The following XPA variants were observed in gnomAD, a reference collection of about 807,000 sequenced individuals.
The protein encoded by XPA is DNA repair protein complementing XP-A cells.
XPA carries 27 observed loss-of-function variants against 35.7 expected under a neutral mutation model. That is an observed-to-expected ratio of 0.76 (90% CI 0.56 to 1.04). The LOEUF (loss-of-function observed/expected upper bound fraction) is 1.04, where lower values mean the gene tolerates loss of function less well. Ranked by LOEUF, XPA falls within the 50% of genes least tolerant of loss-of-function variation. The pLI, the probability that XPA is intolerant of heterozygous loss-of-function variation, is 0.00. For synonymous variants in XPA, 133 were observed against 118.4 expected (o/e 1.12, Z -0.80); for missense variants, 354 against 342.7 (o/e 1.03, Z -0.26).
At chr9:97,687,388 A>G (rs1828753679) in intron 3 of XPA, 127 bp from the exon 4 acceptor site, 3 of 709,030 alleles carry the variant, frequency 4.2e-6, no homozygotes, top group Non-Finnish European at 6.5e-6. Context: ...TGCAACTCTC[A>G]TGGTTAAATT....
the XPA span, among the ~76,000 whole-genome samples, chr9:97,658,029 G>A: frequency 6.7e-6 from 1 of 150,174 alleles, no homozygotes; most frequent in Non-Finnish European, 1.5e-5. Context: ...CCCTATCACT[G>A]GAATCATCTA....
chr9:97,670,750 G>T (rs760383949), downstream of XPA, among the ~76,000 whole-genome samples: 3 of 152,184 alleles, frequency 2.0e-5, no homozygotes, highest in Admixed American at 6.5e-5. Flanking sequence ...AATGTATTAT[G>T]CCCTGACTGG....
At chr9:97,682,668 C>G (rs1828582825) in intron 5 of XPA, among the ~76,000 whole-genome samples, 1 of 152,086 alleles carries the variant, frequency 6.6e-6, no homozygotes, top group Non-Finnish European at 1.5e-5. Context: ...GAAAAAGAAA[C>G]CAGACCCAAG....
chr9:97,666,803 A>T, the XPA span: 1 of 1,609,780 alleles, frequency 6.2e-7, no homozygotes, highest in Non-Finnish European at 8.5e-7. Flanking sequence ...AATTCGTAAG[A>T]TGAACAAACA....
chr9:97,655,202 T>TTTA, the XPA span, among the ~76,000 whole-genome samples: 1 of 152,204 alleles, frequency 6.6e-6, no homozygotes, highest in Non-Finnish European at 1.5e-5. Context: ...TATAAAATGT[T>TTTA]TTATCTGCAA....
chr9:97,672,223 T>G (rs890728289), downstream of XPA: 1 of 152,210 alleles, frequency 6.6e-6, no homozygotes, highest in Non-Finnish European at 1.5e-5. Flanking sequence ...ATTTTTAGAC[T>G]TTTTTCATTA....
intron 5 of XPA, among the ~76,000 whole-genome samples, chr9:97,677,494 G>GA (rs1828401986): frequency 6.6e-6 from 1 of 152,020 alleles, no homozygotes. Context: ...GCAACACAGT[G>GA]AAACCCCAAT....
chr9:97,696,560 G>A (rs1490477336), intron 1 of XPA, among the ~76,000 whole-genome samples: 1 of 152,096 alleles, frequency 6.6e-6, no homozygotes, highest in Non-Finnish European at 1.5e-5. Flanking sequence ...GATTCTGATT[G>A]CTGAATCTCC....
intron 5 of XPA, among the ~76,000 whole-genome samples, chr9:97,682,691 A>G (rs1209783085): frequency 6.6e-6 from 1 of 152,226 alleles, no homozygotes; most frequent in East Asian, 1.9e-4. Flanking sequence ...GTCTAACTCT[A>G]TGAAAAACTT....
At position 97,697,233 on chromosome 9, in the gene XPA, C is replaced by G. The variant is rs748908120; in HGVS notation, c.60G>C (p.Leu20=). The G allele has an allele frequency of 9.4e-6, 15 of 1,601,040 alleles. No individual in the cohort carries two copies. Among genetic ancestry groups the G allele is most frequent in the Non-Finnish European group, 1.3e-5 (15 of 1,179,096 alleles). The change falls in exon 1 of 6, where the codon CTG becomes CTC. Residue 20 remains leucine (L), a synonymous_variant. Coordinates refer to ENST00000375128, the MANE Select transcript of XPA (RefSeq NM_000380.4). ...CGATACTCGCCCGCACCGAGGCAGG[C>G]AGCTCCGCGGGTTGCTCTAAAGCCG... ...EAAALEQPAE[L]PASVRASIER...
intron 2 of XPA, among the ~76,000 whole-genome samples, chr9:97,692,273 G>C (rs1178867373): frequency 6.6e-6 from 1 of 151,762 alleles, no homozygotes; most frequent in Non-Finnish European, 1.5e-5. Context: ...CCTGGGCAAC[G>C]AGAGTGAAAC....
In XPA at chr9:97,675,087, G is replaced by C. The variant is rs1295516425; in HGVS notation, c.*352C>G. 1.9e-6 allele frequency: 1 copy of C among 539,900 alleles called. No individual in the cohort carries two copies. Among genetic ancestry groups the C allele is most frequent in the Non-Finnish European group, 3.6e-6 (1 of 280,704 alleles). The allele number at this position is 539,900 out of a possible 1,614,324, so 33.4% of individuals were successfully genotyped here. A position where few individuals can be genotyped will look rare whatever the true frequency, so the allele number is the denominator to read the frequency against. ...GTTTCTTGGTTAAGAATCCAGTTCA[G>C]CCTTTGTTGAACCCTTTTCCCTCTA... On this transcript the variant is annotated 3_prime_UTR_variant, in exon 6 of 6. Coordinates refer to ENST00000375128, the MANE Select transcript of XPA (RefSeq NM_000380.4).
At chr9:97,674,335 A>G (rs537449530), downstream of XPA, among the ~76,000 whole-genome samples, 1 of 152,344 alleles carries the variant, frequency 6.6e-6, no homozygotes, top group East Asian at 1.9e-4. Flanking sequence ...ATCAAACTTG[A>G]AAAATACACA....
chr9:97,680,202 G>C (rs867643916), intron 5 of XPA, among the ~76,000 whole-genome samples: 2 of 152,078 alleles, frequency 1.3e-5, no homozygotes, highest in African/African-American at 4.8e-5. Flanking sequence ...CTATGTAGAA[G>C]AACACCATTG....
the XPA span, among the ~76,000 whole-genome samples, chr9:97,659,982 C>T: frequency 6.6e-6 from 1 of 152,174 alleles, no homozygotes; most frequent in African/African-American, 2.4e-5. Context: ...CTTTCTAGCT[C>T]CACTTCCTTT....
rs1410836585 is a variant in XPA at position 97,675,315 on chromosome 9, C to T, written c.*124G>A. 2.8e-6 allele frequency: 3 copies of T among 1,072,708 alleles called. No homozygotes were observed. The highest frequency in any genetic ancestry group is 1.5e-5 in the South Asian group (1 of 65,338). 66.4% of individuals were successfully genotyped at this position (1,072,708 alleles called of 1,614,324 possible). A position where few individuals can be genotyped will look rare whatever the true frequency, so the allele number is the denominator to read the frequency against. On this transcript the variant is annotated 3_prime_UTR_variant, in exon 6 of 6. Coordinates refer to ENST00000375128, the MANE Select transcript of XPA (RefSeq NM_000380.4). Reference sequence around the variant, plus strand: ...ATACATAATTATTACTGAAGTATTACTTATACAAGGGTTTCATTCATCTAT... The same window carrying T: ...ATACATAATTATTACTGAAGTATTATTTATACAAGGGTTTCATTCATCTAT...
At chr9:97,693,240 G>A (rs1293369795) in intron 2 of XPA, among the ~76,000 whole-genome samples, 1 of 152,022 alleles carries the variant, frequency 6.6e-6, no homozygotes, top group Non-Finnish European at 1.5e-5. Flanking sequence ...TTTTATGCTG[G>A]TCTATCTTAT....
In XPA at chr9:97,675,604, A is replaced by G; in HGVS notation, c.674-17T>C. The G allele has an allele frequency of 6.2e-7, 1 of 1,613,874 alleles. No individual in the cohort carries two copies. On this transcript the variant is annotated splice_polypyrimidine_tract_variant and intron_variant, in intron 5 of 5. Coordinates refer to ENST00000375128, the MANE Select transcript of XPA (RefSeq NM_000380.4). The stretch of plus-strand genomic sequence containing the variant: ...GCCGCAATTCTGAAAAAAAAATTTT[A>G]AAGTCATCTTTTCAGTGGTGCTATT...
chr9:97,663,297 T>A, the XPA span, among the ~76,000 whole-genome samples: 10 of 152,358 alleles, frequency 6.6e-5, no homozygotes, highest in African/African-American at 2.4e-4. Flanking sequence ...AAAAGGTTTA[T>A]CTAGTCTATC....
Sources: allele counts gnomAD v4.1 joint callset (sites outside exome capture counted in the v4.1 genomes callset), GRCh38; gene constraint gnomAD v4.1.1; transcripts MANE v1.5; gene names NCBI Gene and HGNC (gene_info 2026-07-23, HGNC 2026-07-21).